Variants in NAALADL2 observed in about 807,000 individuals in gnomAD.
The protein encoded by NAALADL2 is inactive N-acetylated-alpha-linked acidic dipeptidase-like protein 2.
In NAALADL2, 76 loss-of-function variants were observed where a neutral mutation model predicts 87.2. The ratio of observed to expected loss-of-function variants is 0.87; its 90% CI spans 0.72 to 1.05. The LOEUF is 1.05. Ranked by LOEUF, NAALADL2 falls within the 50% of genes least tolerant of loss-of-function variation. The probability of loss-of-function intolerance (pLI) is 0.00; values close to 1 mark genes in which losing one functional copy is unlikely to be tolerated. For missense variants in NAALADL2, 1,089 were observed against 945.8 expected (o/e 1.15, Z -1.99); for synonymous variants, 354 against 331.0 (o/e 1.07, Z -0.75).
chr3:174,905,840 A>G (rs1732890725), intron 1 of NAALADL2, among the ~76,000 whole-genome samples: 1 of 152,066 alleles, frequency 6.6e-6, no homozygotes, highest in Non-Finnish European at 1.5e-5. Context: ...CATCAAAATT[A>G]TCTGGGGTTT....
At chr3:175,639,743 C>T (rs991062576) in intron 11 of NAALADL2, among the ~76,000 whole-genome samples, 3 of 152,050 alleles carry the variant, frequency 2.0e-5, no homozygotes, top group Admixed American at 6.6e-5. Context: ...GTTTAAAGTC[C>T]TCTCAGTTTA....
At chr3:175,452,435 A>G (rs190337850) in intron 6 of NAALADL2, among the ~76,000 whole-genome samples, 1 of 152,190 alleles carries the variant, frequency 6.6e-6, no homozygotes, top group Non-Finnish European at 1.5e-5. Context: ...AGGGAAAACT[A>G]AAAACTTGTT....
At chr3:174,818,080 C>G (rs368889808) in intron 3 of NAALADL2, among the ~76,000 whole-genome samples, 9 of 152,174 alleles carry the variant, frequency 5.9e-5, no homozygotes, top group Non-Finnish European at 7.4e-5. Context: ...TTGTTAGTAC[C>G]GGGTTGCAGG....
At chr3:175,309,187 T>C (rs1407372559) in intron 4 of NAALADL2, among the ~76,000 whole-genome samples, 2 of 152,060 alleles carry the variant, frequency 1.3e-5, no homozygotes, top group Non-Finnish European at 2.9e-5. Flanking sequence ...TCATGTATCT[T>C]TTTTTTTCTT....
chr3:174,840,248 G>A (rs1723868994), intron 3 of NAALADL2, among the ~76,000 whole-genome samples: 1 of 151,252 alleles, frequency 6.6e-6, no homozygotes, highest in Admixed American at 6.6e-5. Flanking sequence ...TGATTTTATT[G>A]CAAATGTTTT....
intron 11 of NAALADL2, among the ~76,000 whole-genome samples, chr3:175,715,010 C>A (rs1741043416): frequency 6.6e-6 from 1 of 152,256 alleles, no homozygotes; most frequent in Admixed American, 6.5e-5. Flanking sequence ...TCTAAATTAT[C>A]TATTCTCATT....
chr3:175,333,355 T>G (rs982366555), intron 5 of NAALADL2, among the ~76,000 whole-genome samples: 11 of 152,162 alleles, frequency 7.2e-5, no homozygotes, highest in African/African-American at 2.7e-4. Context: ...CTTTTAGTAA[T>G]AGTAGCTGTA....
At chr3:175,180,059 G>T (rs1736240056) in intron 2 of NAALADL2, among the ~76,000 whole-genome samples, 3 of 151,944 alleles carry the variant, frequency 2.0e-5, no homozygotes, top group South Asian at 4.1e-4. Context: ...TTTGTTTATA[G>T]GTGCTGATGG....
intron 9 of NAALADL2, among the ~76,000 whole-genome samples, chr3:175,482,916 G>GT (rs1287084017): frequency 6.6e-6 from 1 of 151,716 alleles, no homozygotes; most frequent in Admixed American, 6.6e-5. Flanking sequence ...ACTTTTGTTT[G>GT]TAAGTGTCCT....
intron 2 of NAALADL2, among the ~76,000 whole-genome samples, chr3:174,726,163 G>C (rs960099899): frequency 6.6e-6 from 1 of 151,944 alleles, no homozygotes; most frequent in Non-Finnish European, 1.5e-5. Flanking sequence ...CAGAAACTGT[G>C]GTAAAAGGAA....
intron 2 of NAALADL2, among the ~76,000 whole-genome samples, chr3:174,570,564 G>A (rs1005852195): frequency 6.6e-6 from 1 of 152,208 alleles, no homozygotes; most frequent in East Asian, 1.9e-4. Flanking sequence ...CGCGCTAGGG[G>A]ATTCAACAGT....
chr3:174,860,896 C>T (rs9821396), intron 1 of NAALADL2, among the ~76,000 whole-genome samples: 42,511 of 151,738 alleles, frequency 0.28, 6,102 homozygotes, highest in East Asian at 0.42. Flanking sequence ...GTAAGGATAG[C>T]CTTCCCTTTC....
At chr3:175,206,904 G>T (rs1393906258) in intron 2 of NAALADL2, among the ~76,000 whole-genome samples, 1 of 152,028 alleles carries the variant, frequency 6.6e-6, no homozygotes, top group African/African-American at 2.4e-5. Flanking sequence ...GGTCTTTAAA[G>T]ATTGAACTCA....
intron 1 of NAALADL2, among the ~76,000 whole-genome samples, chr3:175,050,198 T>G (rs1438025019): frequency 2.6e-5 from 4 of 152,214 alleles, no homozygotes; most frequent in African/African-American, 7.2e-5. Context: ...TGGCAACCCG[T>G]GATACTGAGC....
chr3:175,705,318 C>CA (rs1330781884), intron 11 of NAALADL2, among the ~76,000 whole-genome samples: 8 of 152,084 alleles, frequency 5.3e-5, no homozygotes, highest in Admixed American at 1.3e-4. Context: ...ACCCATCGTG[C>CA]TTGCTTTCTG....
At chr3:175,312,445 C>CT (rs796129119) in intron 4 of NAALADL2, among the ~76,000 whole-genome samples, 60 of 142,648 alleles carry the variant, frequency 4.2e-4, no homozygotes, top group South Asian at 1.4e-3. Context: ...AAATCCAGTT[C>CT]TTTTTTTTTT....
At chr3:174,765,137 C>CATGAG (rs1560206278) in intron 3 of NAALADL2, among the ~76,000 whole-genome samples, 4 of 128,202 alleles carry the variant, frequency 3.1e-5, no homozygotes, top group African/African-American at 1.1e-4. Flanking sequence ...CACACACACA[C>CATGAG]ACACACGAGA....
chr3:175,380,027 C>T (rs1253353818), intron 5 of NAALADL2, among the ~76,000 whole-genome samples: 6 of 152,006 alleles, frequency 3.9e-5, no homozygotes, highest in Admixed American at 6.6e-5. Flanking sequence ...GGAAGGGGAA[C>T]ATCACACACC....
At chr3:175,131,038 C>T (rs4894478) in intron 2 of NAALADL2, among the ~76,000 whole-genome samples, 47,142 of 151,940 alleles carry the variant, frequency 0.31, 7,544 homozygotes, top group East Asian at 0.45. Context: ...AATTCATGTA[C>T]ATGCTATATC....
Sources: gnomAD v4.1 joint callset for allele counts (sites outside exome capture counted in the v4.1 genomes callset) on GRCh38, gnomAD v4.1.1 for gene constraint, MANE v1.5 for transcripts, NCBI Gene and HGNC (gene_info 2026-07-23, HGNC 2026-07-21) for gene names.